RUSC2: variants seen among roughly 807,000 people sequenced by gnomAD.
RUSC2 encodes the protein AP-4 complex accessory subunit RUSC2.
In RUSC2, 34 loss-of-function variants were observed where a neutral mutation model predicts 122.2. The observed-to-expected ratio is 0.28, with a 90% CI of 0.21 to 0.37. The LOEUF is 0.37. Ranked by LOEUF, RUSC2 falls within the 10% of genes least tolerant of loss-of-function variation. The pLI is 1.00. For missense variants in RUSC2, 1,747 were observed against 1,952.4 expected (o/e 0.89, Z 1.98); for synonymous variants, 784 against 790.0 (o/e 0.99, Z 0.13).
chr9:35,561,130 G>A (rs758382510), intron 11 of RUSC2, 33 bp downstream of exon 11: 11 of 1,613,332 alleles, frequency 6.8e-6, no homozygotes, highest in African/African-American at 4.0e-5. Flanking sequence ...GCTGAGGGGG[G>A]CGGGGGGCTT....
chr9:35,559,958 G>A (rs1822108130), intron 9 of RUSC2, 71 bp from the exon 10 acceptor site: 5 of 1,321,062 alleles, frequency 3.8e-6, no homozygotes, highest in Non-Finnish European at 4.2e-6. Context: ...TGCCCAGACT[G>A]TCTTTCAAAG....
chr9:35,496,224 A>G (rs1820710114), intron 1 of RUSC2, among the ~76,000 whole-genome samples: 1 of 152,180 alleles, frequency 6.6e-6, no homozygotes, highest in Non-Finnish European at 1.5e-5. Flanking sequence ...ACTTCAATCG[A>G]GCGGGTTCTC....
Position 35,561,159 on chromosome 9 carries a change from C to T in RUSC2, c.4350-22C>T, listed in dbSNP as rs763346548. On this transcript the variant is annotated intron_variant, in intron 11 of 11. Transcript: ENST00000361226. ...GGGGCTTTTGAGGGGGTTTCTCTGA[C>T]CTCCATGTGCTGTTTCCCCAGTGAG... 3.1e-6 allele frequency: 5 copies of T among 1,613,594 alleles called. No individual in the cohort carries two copies. In the South Asian group the frequency reaches 4.4e-5, roughly 14 times the overall value.
At chr9:35,552,409 C>T (rs1407606578) in intron 2 of RUSC2, among the ~76,000 whole-genome samples, 3 of 152,144 alleles carry the variant, frequency 2.0e-5, no homozygotes, top group Non-Finnish European at 2.9e-5. Flanking sequence ...GCTGAGACGG[C>T]TCTTTGAGAT....
intron 1 of RUSC2, among the ~76,000 whole-genome samples, chr9:35,508,177 G>A (rs184148929): frequency 1.3e-3 from 202 of 152,154 alleles, no homozygotes; most frequent in African/African-American, 3.9e-3. Context: ...ATCTGCAAAC[G>A]TGTCTACAGC....
Position 35,547,517 on chromosome 9 carries a change from G to C in RUSC2, c.996G>C (p.Lys332Asn). The C allele has an allele frequency of 6.2e-7, 1 of 1,614,138 alleles. No homozygotes were observed. The highest frequency in any genetic ancestry group is 1.1e-5 in the South Asian group (1 of 91,072). ...LDLQPSPFES[K>N]MSYESHHPES... ...TGCAGCCCTCCCCATTTGAGTCTAAGATGTCTTATGAGTCCCATCACCCTG... is the reference window on the plus strand; with the variant it reads ...TGCAGCCCTCCCCATTTGAGTCTAACATGTCTTATGAGTCCCATCACCCTG... The change falls in exon 2 of 12, where the codon AAG (lysine) becomes AAC (asparagine). Residue 332 changes from lysine to asparagine, a missense_variant. Transcript: ENST00000361226. This position sits in a 1 kb window ranked among gnomAD's most constrained non-coding sequence, Gnocchi z 4.6.
rs755321363 is a variant in RUSC2 at position 35,560,498 on chromosome 9, T to G, written c.3858T>G (p.Ile1286Met). 6.2e-7 allele frequency: 1 copy of G among 1,614,184 alleles called. No homozygotes were observed. The highest frequency in any genetic ancestry group is 8.5e-7 in the Non-Finnish European group (1 of 1,180,014). Residue 1286 changes from isoleucine to methionine, a missense_variant, in exon 10 of 12, where the codon ATT becomes ATG. By Grantham distance (10) the Ile-to-Met change is conservative. Transcript: ENST00000361226. ...CCCAGGTCTACATCGATGGCTCCAT[T>G]GAGGGTTCCAGGTTCCCTCGTGGTA... is the stretch of plus-strand genomic sequence containing the variant. ...QSSQVYIDGS[I>M]EGSRFPRGSS...
intron 1 of RUSC2, among the ~76,000 whole-genome samples, chr9:35,498,853 AAAAC>A (rs1820769200): frequency 6.6e-6 from 1 of 151,618 alleles, no homozygotes; most frequent in Non-Finnish European, 1.5e-5. Context: ...CAAAAAAAAA[AAAAC>A]AAAAAAAGAA....
At position 35,558,325 on chromosome 9, in the gene RUSC2, G is replaced by A. The variant is rs201341074; in HGVS notation, c.3189G>A (p.Gln1063=). Residue 1063 remains glutamine, a synonymous_variant, in exon 7 of 12, where the codon CAG becomes CAA. Coordinates refer to ENST00000361226, the MANE Select transcript of RUSC2 (RefSeq NM_014806.5). This position sits in a 1 kb window ranked among gnomAD's most constrained non-coding sequence, Gnocchi z 4.3. Reference sequence around the variant, plus strand: ...TTGTACTGGACGTCATCATCGGGCAGCGTAAGAACATGCCATGGAGTGTGG... The same window carrying A: ...TTGTACTGGACGTCATCATCGGGCAACGTAAGAACATGCCATGGAGTGTGG... ...KAFVLDVIIG[Q]RKNMPWSVVE... 1 of 1,614,196 alleles carries A rather than the reference G, an allele frequency of 6.2e-7. No individual in the cohort carries two copies. The highest frequency in any genetic ancestry group is 8.5e-7 in the Non-Finnish European group (1 of 1,180,040).
At chr9:35,533,440 G>T (rs1821462665) in intron 1 of RUSC2, among the ~76,000 whole-genome samples, 1 of 152,196 alleles carries the variant, frequency 6.6e-6, no homozygotes, top group Admixed American at 6.5e-5. Context: ...AGCTCCTACA[G>T]CAACTGCCAC....
chr9:35,493,071 A>G (rs1820600922), intron 1 of RUSC2, among the ~76,000 whole-genome samples: 1 of 152,010 alleles, frequency 6.6e-6, no homozygotes. Context: ...GGTTTGTTGT[A>G]CAGATTATTT....
At chr9:35,538,521 C>G (rs1213021437) in intron 1 of RUSC2, 1 of 152,274 alleles carries the variant, frequency 6.6e-6, no homozygotes, top group Non-Finnish European at 1.5e-5. Context: ...AGCTGGAAAA[C>G]AGAGTCATTC....
At chr9:35,533,750 C>G (rs1254071776) in intron 1 of RUSC2, among the ~76,000 whole-genome samples, 1 of 152,224 alleles carries the variant, frequency 6.6e-6, no homozygotes, top group African/African-American at 2.4e-5. Context: ...CTTCTTTCAC[C>G]TAGCATGTTT....
In RUSC2 at chr9:35,548,855, C is replaced by A. The variant is rs1413483079; in HGVS notation, c.2014+320C>A. On this transcript the variant is annotated intron_variant, in intron 2 of 11. Transcript: ENST00000361226. This position sits in a 1 kb window ranked among gnomAD's most constrained non-coding sequence, Gnocchi z 4.5. ...GACCAGCCTGGCCAACATAATGAAA[C>A]CCCAGCTCTACTAAAATAAAAAATA... 1 of 609,704 alleles carries A rather than the reference C, an allele frequency of 1.6e-6. No homozygotes were observed. The highest frequency in any genetic ancestry group is 2.1e-6 in the Non-Finnish European group (1 of 487,144). The allele number at this position is 609,704 out of a possible 1,614,324, so 37.8% of individuals were successfully genotyped here.
intron 1 of RUSC2, among the ~76,000 whole-genome samples, chr9:35,541,984 G>A (rs765140261): frequency 6.6e-6 from 1 of 151,028 alleles, no homozygotes; most frequent in Non-Finnish European, 1.5e-5. Context: ...TAAAAATGAA[G>A]ATGGCTCTGC....
At position 35,546,901 on chromosome 9, in the gene RUSC2, C is replaced by A; in HGVS notation, c.380C>A (p.Thr127Asn). ...LYDDSIGDSATQQSFHLHGTG... is the reference protein window; with the variant it reads ...LYDDSIGDSANQQSFHLHGTG... ...GATGACAGCATTGGTGACAGTGCCACCCAGCAGTCCTTCCACCTGCATGGC... is the reference window on the plus strand; with the variant it reads ...GATGACAGCATTGGTGACAGTGCCAACCAGCAGTCCTTCCACCTGCATGGC... The change falls in exon 2 of 12, where the codon ACC (threonine) becomes AAC (asparagine). Residue 127 changes from threonine to asparagine, a missense_variant. Coordinates refer to ENST00000361226, the MANE Select transcript of RUSC2 (RefSeq NM_014806.5). This position sits in a 1 kb window ranked among gnomAD's most constrained non-coding sequence, Gnocchi z 4.3. The A allele has an allele frequency of 6.3e-7, 1 of 1,581,474 alleles. No individual in the cohort carries two copies. The highest frequency in any genetic ancestry group is 8.6e-7 in the Non-Finnish European group (1 of 1,163,898).
intron 1 of RUSC2, among the ~76,000 whole-genome samples, chr9:35,529,460 C>A (rs1821380575): frequency 6.7e-6 from 1 of 149,206 alleles, no homozygotes; most frequent in African/African-American, 2.5e-5. Context: ...AGATTTTTTT[C>A]TAGAAATCCC....
chr9:35,513,806 G>A (rs1323245652), intron 1 of RUSC2, among the ~76,000 whole-genome samples: 1 of 149,408 alleles, frequency 6.7e-6, no homozygotes, highest in East Asian at 2.0e-4. Context: ...GAGCCCAGGA[G>A]TTTGAGACCA....
chr9:35,555,642 G>A lies in RUSC2; in HGVS notation c.2597G>A (p.Arg866Gln), dbSNP rs367899388. 39 of 1,609,752 alleles carry A rather than the reference G, an allele frequency of 2.4e-5. No homozygotes were observed. The highest frequency in any genetic ancestry group is 2.4e-4 in the African/African-American group (18 of 74,880). Residue 866 changes from arginine to glutamine, a missense_variant, in exon 3 of 12, where the codon CGA becomes CAA. Coordinates refer to ENST00000361226, the MANE Select transcript of RUSC2 (RefSeq NM_014806.5). The surrounding 1 kb of genome is among the most constrained non-coding windows in gnomAD (Gnocchi z 4.6). The part of the protein sequence containing the change: ...PLGSWRSGLS[R>Q]AESLARGGGE... ...GGCTCCTGGCGATCTGGCCTCAGCC[G>A]AGCAGAGAGCCTGGCCCGGGGAGGT...
Sources: allele counts gnomAD v4.1 joint callset (sites outside exome capture counted in the v4.1 genomes callset), GRCh38; gene constraint gnomAD v4.1.1; non-coding constraint Gnocchi (gnomAD v3.1); transcripts MANE v1.5; gene names NCBI Gene and HGNC (gene_info 2026-07-23, HGNC 2026-07-21).